The following AP1G1 variants were observed in gnomAD, a reference collection of about 807,000 sequenced individuals.
The protein encoded by AP1G1 is AP-1 complex subunit gamma-1.
A neutral mutation model predicts 108.3 loss-of-function variants in AP1G1; 7 were observed. That is an observed-to-expected ratio of 0.06 (90% CI 0.04 to 0.12). The LOEUF is 0.12. Ranked by LOEUF, AP1G1 falls within the 10% of genes least tolerant of loss-of-function variation. AP1G1 has a pLI of 1.00. For missense variants in AP1G1, 756 were observed against 1,010.7 expected (o/e 0.75, Z 3.42); for synonymous variants, 379 against 353.5 (o/e 1.07, Z -0.81).
At chr16:71,799,764 T>G (rs2032717171) in intron 1 of AP1G1, among the ~76,000 whole-genome samples, 1 of 151,408 alleles carries the variant, frequency 6.6e-6, no homozygotes, top group African/African-American at 2.4e-5. Context: ...CGGGGTGTGG[T>G]GACAGGTGCC....
chr16:71,763,170 G>T (rs1392296900), intron 9 of AP1G1, among the ~76,000 whole-genome samples: 1 of 152,192 alleles, frequency 6.6e-6, no homozygotes, highest in Non-Finnish European at 1.5e-5. Flanking sequence ...AGATCAGCCT[G>T]AGCAACAGGG....
At chr16:71,766,633 A>AAT (rs199601858) in intron 6 of AP1G1, among the ~76,000 whole-genome samples, 13,349 of 152,184 alleles carry the variant, frequency 0.088, 619 homozygotes, top group Middle Eastern at 0.11. Context: ...ACTCTGCTGC[A>AAT]ACTCAGTTAT....
chr16:71,748,452 C>A (rs1490622922), intron 15 of AP1G1, 74 bp from the exon 16 acceptor site: 3 of 1,495,416 alleles, frequency 2.0e-6, no homozygotes, highest in East Asian at 4.7e-5. Flanking sequence ...GATATCAAGT[C>A]AGGGGAAGCA....
chr16:71,739,558 G>A (rs2045591720), intron 19 of AP1G1, among the ~76,000 whole-genome samples: 3 of 151,878 alleles, frequency 2.0e-5, no homozygotes, highest in Non-Finnish European at 2.9e-5. Context: ...AGTACAGTCT[G>A]AGCAACATGG....
intron 15 of AP1G1, among the ~76,000 whole-genome samples, chr16:71,749,330 A>G (rs1411197242): frequency 1.3e-5 from 2 of 151,976 alleles, no homozygotes; most frequent in African/African-American, 4.8e-5. Flanking sequence ...AAAAAAAAGT[A>G]GAATAAACTA....
intron 13 of AP1G1, 96 bp downstream of exon 13, chr16:71,753,737 T>A: frequency 9.3e-7 from 1 of 1,073,388 alleles, no homozygotes; most frequent in African/African-American, 1.6e-5. Flanking sequence ...CCTATTTACT[T>A]GTGAATTTCT....
intron 1 of AP1G1, among the ~76,000 whole-genome samples, chr16:71,803,513 GTTTT>G (rs533339127): frequency 5.4e-4 from 82 of 151,796 alleles, no homozygotes; most frequent in Non-Finnish European, 9.0e-4. Flanking sequence ...TGGCAAGTGA[GTTTT>G]TTTTCTCCCA....
At chr16:71,797,649 A>G (rs2032634061) in intron 1 of AP1G1, among the ~76,000 whole-genome samples, 1 of 152,100 alleles carries the variant, frequency 6.6e-6, no homozygotes, top group African/African-American at 2.4e-5. Context: ...AAATACAAAA[A>G]TTAGCCGGGC....
At chr16:71,744,575 T>TG (rs2030066163) in intron 19 of AP1G1, among the ~76,000 whole-genome samples, 1 of 146,278 alleles carries the variant, frequency 6.8e-6, no homozygotes, top group African/African-American at 2.6e-5. Context: ...AAGTGTGTTT[T>TG]TTTTTTTTTT....
intron 21 of AP1G1, 137 bp downstream of exon 21, chr16:71,738,805 C>T (rs2045582472): frequency 2.6e-6 from 2 of 765,314 alleles, no homozygotes; most frequent in African/African-American, 3.5e-5. Flanking sequence ...GAACCATAAG[C>T]TACATTATTG....
rs560293464 is a variant in AP1G1, at chr16:71,772,440, T to C, written c.468+781A>G. 5.3e-5 allele frequency among the ~76,000 whole-genome samples: 8 copies of C among 152,346 alleles called. No individual in the cohort carries two copies. In the South Asian group the frequency reaches 1.7e-3, roughly 32 times the overall value. ...CACCATGCCCAGCCTATCTTTTTTT[T>C]CTAACCTGCAGGAATGTTTCATTTT... On this transcript the variant is annotated intron_variant, in intron 4 of 22. Coordinates refer to ENST00000299980, the MANE Select transcript of AP1G1 (RefSeq NM_001128.6).
At chr16:71,777,358 C>G (rs1469652413) in intron 2 of AP1G1, among the ~76,000 whole-genome samples, 1 of 151,622 alleles carries the variant, frequency 6.6e-6, no homozygotes, top group South Asian at 2.1e-4. Context: ...GAGAGAGGAG[C>G]AACTGGGGGC....
At chr16:71,784,839 G>A (rs900908380) in intron 2 of AP1G1, among the ~76,000 whole-genome samples, 4 of 151,294 alleles carry the variant, frequency 2.6e-5, no homozygotes, top group Admixed American at 6.6e-5. Context: ...GATTACAGGC[G>A]TAAGTCACCG....
intron 2 of AP1G1, among the ~76,000 whole-genome samples, chr16:71,788,536 C>T (rs926753430): frequency 6.6e-6 from 1 of 152,088 alleles, no homozygotes; most frequent in South Asian, 2.1e-4. Context: ...CACAAAGTAA[C>T]TAGAACAAAA....
intron 2 of AP1G1, among the ~76,000 whole-genome samples, chr16:71,779,836 T>C (rs1237436822): frequency 6.6e-6 from 1 of 152,062 alleles, no homozygotes; most frequent in East Asian, 1.9e-4. Context: ...CACGGTCAGA[T>C]GCACATCTAA....
At chr16:71,743,731 G>C (rs1225251667) in intron 19 of AP1G1, 1 of 152,166 alleles carries the variant, frequency 6.6e-6, no homozygotes. Context: ...TGAGGTGGGT[G>C]GATCACGAGG....
chr16:71,805,851 T>G (rs1226289088), intron 1 of AP1G1, among the ~76,000 whole-genome samples: 1 of 151,844 alleles, frequency 6.6e-6, no homozygotes, highest in East Asian at 1.9e-4. Flanking sequence ...CAAAACACTA[T>G]CTATACAAAA....
At chr16:71,795,062 C>T (rs2032539239) in intron 1 of AP1G1, among the ~76,000 whole-genome samples, 1 of 151,942 alleles carries the variant, frequency 6.6e-6, no homozygotes, top group African/African-American at 2.4e-5. Context: ...GTACCAGCTG[C>T]TCACCAACAG....
intron 10 of AP1G1, 152 bp downstream of exon 10, chr16:71,761,360 C>A: frequency 1.5e-6 from 1 of 666,904 alleles, no homozygotes; most frequent in Non-Finnish European, 2.7e-6. Flanking sequence ...AAGTTCTTCA[C>A]AAAACAGTGT....
Sources: allele counts gnomAD v4.1 joint callset (sites outside exome capture counted in the v4.1 genomes callset), GRCh38; gene constraint gnomAD v4.1.1; transcripts MANE v1.5; gene names NCBI Gene and HGNC (gene_info 2026-07-23, HGNC 2026-07-21).